SUCNR1: variants seen among roughly 807,000 people sequenced by gnomAD.
The protein encoded by SUCNR1 is G-protein coupled receptor 91.
SUCNR1 carries 5 observed loss-of-function variants against 2.4 expected under a neutral mutation model. That is an observed-to-expected ratio of 2.07 (90% CI 1.08 to 4.36). The LOEUF (loss-of-function observed/expected upper bound fraction) is 4.36. Among genes scored for constraint, SUCNR1 ranks in the 30% most tolerant of loss-of-function variants. The pLI is 0.00. For missense variants in SUCNR1, 373 were observed against 399.2 expected (o/e 0.93, Z 0.56); for synonymous variants, 162 against 143.9 (o/e 1.13, Z -0.90).
At position 151,881,479 on chromosome 3, in the gene SUCNR1, C is replaced by T. The variant is rs139804843; in HGVS notation, c.936C>T (p.His312=). 278 of 1,613,806 alleles carry T rather than the reference C, an allele frequency of 1.7e-4. 1 individual carries two copies. Among genetic ancestry groups the T allele is most frequent in the Non-Finnish European group, 2.2e-4 (254 of 1,179,892 alleles). Residue 312 remains histidine, a synonymous_variant, in exon 3 of 3, where the codon CAC becomes CAT. Coordinates refer to ENST00000362032, the MANE Select transcript of SUCNR1 (RefSeq NM_033050.6). ...FRDMLMNQLR[H]NFKSLTSFSR... ...ACATGCTGATGAATCAACTGAGACA[C>T]AACTTCAAATCCCTTACATCCTTTA...
At position 151,881,425 on chromosome 3, in the gene SUCNR1, CTATTT is replaced by C. The variant is rs1718095433; in HGVS notation, c.884_888del (p.Tyr295SerfsTer25). 6.2e-7 allele frequency: 1 copy of C among 1,614,038 alleles called. No homozygotes were observed. Among genetic ancestry groups the C allele is most frequent in the African/African-American group, 1.3e-5 (1 of 74,922 alleles). ...TGAACAGTGTCATCAACCCTGTCTT[CTATTT>C]TCTTTTGGGAGATCACTTCAGGGAC... On this transcript the variant is annotated frameshift_variant, in exon 3 of 3. Transcript: ENST00000362032. LOFTEE classifies it low-confidence loss of function (END_TRUNC).
Position 151,884,619 on chromosome 3 carries a change from A to G in SUCNR1, c.*3071A>G, listed in dbSNP as rs2108070680. 1 of 152,344 alleles carries G rather than the reference A, an allele frequency of 6.6e-6. No individual in the cohort carries two copies. The highest frequency in any genetic ancestry group is 3.4e-3 in the Middle Eastern group (1 of 294). 9.4% of individuals were successfully genotyped at this position (152,344 alleles called of 1,614,324 possible). ...ATAATAAAAATAATTTTTTTCTCAG[A>G]CCTGCCTGCAATCATGAAGGGTTTC... On this transcript the variant is annotated 3_prime_UTR_variant, in exon 3 of 3. Transcript: ENST00000362032.
intron 2 of SUCNR1, 118 bp from the exon 3 acceptor site, chr3:151,880,441 G>A (rs1718053658): frequency 2.7e-6 from 2 of 750,964 alleles, no homozygotes; most frequent in East Asian, 5.2e-5. Flanking sequence ...CCTTACTGAT[G>A]TAACCTACTT....
At position 151,881,020 on chromosome 3, in the gene SUCNR1, C is replaced by T. The variant is rs778331292; in HGVS notation, c.477C>T (p.Pro159=). The T allele has an allele frequency of 1.2e-6, 2 of 1,614,102 alleles. No homozygotes were observed. The highest frequency in any genetic ancestry group is 1.7e-6 in the Non-Finnish European group (2 of 1,180,004). Residue 159 remains proline, a synonymous_variant, in exon 3 of 3, where the codon CCC becomes CCT. Transcript: ENST00000362032. ...LVTLELLPIL[P]LINPVITDNG... is the part of the protein sequence containing the mutation. ...CCTTAGAGTTACTACCCATACTTCCCCTTATAAATCCTGTTATAACTGACA... is the reference window on the plus strand; with the variant it reads ...CCTTAGAGTTACTACCCATACTTCCTCTTATAAATCCTGTTATAACTGACA...
At position 151,880,967 on chromosome 3, in the gene SUCNR1, A is replaced by G. The variant is rs1718076838; in HGVS notation, c.424A>G (p.Ile142Val). The change falls in exon 3 of 3, where the codon ATC becomes GTC. Residue 142 changes from isoleucine to valine, a missense_variant. Around this residue, in one of 3 missense-constraint regions of SUCNR1, gnomAD observed 32 missense variants for 58.3 expected, o/e 0.55. Coordinates refer to ENST00000362032, the MANE Select transcript of SUCNR1 (RefSeq NM_033050.6). ...GCAAAAGAAAGAGTTTGCTATTTTAATCTCCTTGGCCATTTGGGTTTTAGT... is the reference window on the plus strand; with the variant it reads ...GCAAAAGAAAGAGTTTGCTATTTTAGTCTCCTTGGCCATTTGGGTTTTAGT... ...LLQKKEFAIL[I>V]SLAIWVLVTL... 6.2e-7 allele frequency: 1 copy of G among 1,613,974 alleles called. No homozygotes were observed. Among genetic ancestry groups the G allele is most frequent in the East Asian group, 2.2e-5 (1 of 44,878 alleles).
At position 151,880,923 on chromosome 3, in the gene SUCNR1, C is replaced by T. The variant is rs1718074290; in HGVS notation, c.380C>T (p.Pro127Leu). 4 of 1,613,988 alleles carry T rather than the reference C, an allele frequency of 2.5e-6. No homozygotes were observed. Among genetic ancestry groups the T allele is most frequent in the Non-Finnish European group, 3.4e-6 (4 of 1,180,000 alleles). ...SIDRYLIIKY[P>L]FREHLLQKKE... ...GATCGATACTTGATAATTAAGTATC[C>T]TTTCCGAGAACACCTTCTGCAAAAG... Residue 127 changes from proline (P) to leucine (L), a missense_variant, in exon 3 of 3, where the codon CCT (proline) becomes CTT (leucine). Physicochemically the swap from Pro to Leu is moderately conservative, Grantham distance 98. Around this residue, in one of 3 missense-constraint regions of SUCNR1, gnomAD observed 184 missense variants for 162.2 expected, o/e 1.13. Coordinates refer to ENST00000362032, the MANE Select transcript of SUCNR1 (RefSeq NM_033050.6).
chr3:151,874,143 TA>T lies in SUCNR1; in HGVS notation c.-42+438del, dbSNP rs1197605435. On this transcript the variant is annotated intron_variant, in intron 1 of 2. Coordinates refer to ENST00000362032, the MANE Select transcript of SUCNR1 (RefSeq NM_033050.6). ...ATACATACATATATATATATATATA[TA>T]TATTTTTTTTTTTTTTTTTTTTTTT... Among the ~76,000 whole-genome samples the T allele has an allele frequency of 6.9e-3, 364 of 53,102 alleles. 2 individuals are homozygous for T. Among genetic ancestry groups the T allele is most frequent in the Non-Finnish European group, 0.012 (292 of 24,998 alleles). 34.8% of individuals were successfully genotyped at this position (53,102 alleles called of 152,430 possible).
In SUCNR1 at chr3:151,884,312, T is replaced by C. The variant is rs149637858; in HGVS notation, c.*2764T>C. ...ACATAAACCCATGTGCCAGCTGCCA[T>C]TGCACTGCCTCACATTTTCCTTTAG... On this transcript the variant is annotated 3_prime_UTR_variant, in exon 3 of 3. Transcript: ENST00000362032. 3.3e-5 allele frequency: 5 copies of C among 152,300 alleles called. No homozygotes were observed. Among genetic ancestry groups the C allele is most frequent in the South Asian group, 2.1e-4 (1 of 4,832 alleles). 9.4% of individuals were successfully genotyped at this position (152,300 alleles called of 1,614,324 possible). A position where few individuals can be genotyped will look rare whatever the true frequency, so the allele number is the denominator to read the frequency against.
In SUCNR1 at chr3:151,883,463, C is replaced by CATAT. The variant is rs1559859051; in HGVS notation, c.*1916_*1917insTATA. 1.4e-5 allele frequency: 1 copy of CATAT among 70,116 alleles called. No individual in the cohort carries two copies. The highest frequency in any genetic ancestry group is 2.9e-5 in the Non-Finnish European group (1 of 34,612). The allele number at this position is 70,116 out of a possible 1,614,324, so 4.3% of individuals were successfully genotyped here. ...GAAATATTTTTTCAAACCATAAACT[C>CATAT]ACATATATATATATATATATATATA... On this transcript the variant is annotated 3_prime_UTR_variant, in exon 3 of 3. Coordinates refer to ENST00000362032, the MANE Select transcript of SUCNR1 (RefSeq NM_033050.6).
At chr3:151,877,438 A>G (rs1255372520) in intron 1 of SUCNR1, among the ~76,000 whole-genome samples, 1 of 152,168 alleles carries the variant, frequency 6.6e-6, no homozygotes, top group African/African-American at 2.4e-5. Flanking sequence ...ATGTGAGGAG[A>G]CAATAGCAGA....
rs1718055205 is a variant in SUCNR1 at position 151,880,495 on chromosome 3, T to C, written c.16-64T>C. 1.7e-6 allele frequency: 2 copies of C among 1,181,622 alleles called. 1 individual carries two copies. The highest frequency in any genetic ancestry group is 2.4e-6 in the Non-Finnish European group (2 of 827,592). 73.2% of individuals were successfully genotyped at this position (1,181,622 alleles called of 1,614,324 possible). Reference sequence around the variant, plus strand: ...AGTGTTTTTCATTATTATTATGTTCTGCACAGTTTTGTCATTAGTCACAGT... The same window carrying C: ...AGTGTTTTTCATTATTATTATGTTCCGCACAGTTTTGTCATTAGTCACAGT... On this transcript the variant is annotated intron_variant, in intron 2 of 2. Transcript: ENST00000362032.
chr3:151,880,314 T>C (rs543354440), intron 2 of SUCNR1, among the ~76,000 whole-genome samples: 1 of 152,356 alleles, frequency 6.6e-6, no homozygotes, highest in East Asian at 1.9e-4. Flanking sequence ...GGAACTTTGA[T>C]TTATTCACTG....
At chr3:151,880,233 T>C (rs541230496) in intron 2 of SUCNR1, among the ~76,000 whole-genome samples, 14 of 152,328 alleles carry the variant, frequency 9.2e-5, no homozygotes, top group African/African-American at 3.4e-4. Context: ...ATAGCACTTA[T>C]CATTATTGGT....
intron 2 of SUCNR1, among the ~76,000 whole-genome samples, chr3:151,880,350 T>C (rs890559622): frequency 6.6e-6 from 1 of 152,236 alleles, no homozygotes; most frequent in African/African-American, 2.4e-5. Context: ...CCTGAAATTA[T>C]ATTCAGCACA....
rs1005629051 is a variant in SUCNR1 at position 151,883,387 on chromosome 3, A to C, written c.*1839A>C. ...AGACAAAATTAAATTTGCTTCCCCT[A>C]CATCCCAACTCCAAGAAGTCACAGG... On this transcript the variant is annotated 3_prime_UTR_variant, in exon 3 of 3. Transcript: ENST00000362032. 6.7e-6 allele frequency: 1 copy of C among 149,182 alleles called. No homozygotes were observed. The highest frequency in any genetic ancestry group is 1.5e-5 in the Non-Finnish European group (1 of 67,250). 9.2% of individuals were successfully genotyped at this position (149,182 alleles called of 1,614,324 possible).
chr3:151,878,369 A>G (rs547073831), intron 1 of SUCNR1, among the ~76,000 whole-genome samples: 2 of 152,312 alleles, frequency 1.3e-5, no homozygotes, highest in Admixed American at 1.3e-4. Context: ...GAGTCAGAAA[A>G]GAAGAAATAA....
At chr3:151,874,650 T>C (rs1559856159) in intron 1 of SUCNR1, among the ~76,000 whole-genome samples, 1 of 152,166 alleles carries the variant, frequency 6.6e-6, no homozygotes, top group Non-Finnish European at 1.5e-5. Flanking sequence ...CTTTTCAAAA[T>C]GTGTGTGGTA....
intron 1 of SUCNR1, among the ~76,000 whole-genome samples, chr3:151,874,008 C>A (rs1426113246): frequency 1.3e-5 from 2 of 148,786 alleles, no homozygotes; most frequent in African/African-American, 5.0e-5. Flanking sequence ...ATTGGATTTA[C>A]CTAAATAAAT....
chr3:151,880,091 T>G (rs1398029893), intron 2 of SUCNR1, among the ~76,000 whole-genome samples, 184 bp downstream of exon 2: 3 of 152,240 alleles, frequency 2.0e-5, no homozygotes, highest in African/African-American at 4.8e-5. Flanking sequence ...TTTCACTTTC[T>G]TCATTGAGGT....
Sources: allele counts gnomAD v4.1 joint callset (sites outside exome capture counted in the v4.1 genomes callset), GRCh38; gene constraint gnomAD v4.1.1; regional missense constraint gnomAD v4.1.1; transcripts MANE v1.5; gene names NCBI Gene and HGNC (gene_info 2026-07-23, HGNC 2026-07-21).